Variants in RALB observed in about 807,000 individuals in gnomAD.
RALB encodes the protein ras-related protein Ral-B.
A neutral mutation model predicts 21.3 loss-of-function variants in RALB; 16 were observed. That is an observed-to-expected ratio of 0.75 (90% CI 0.51 to 1.14). RALB has a LOEUF of 1.14. Among genes scored for constraint, RALB ranks in the 50% most tolerant of loss-of-function variants. The probability of loss-of-function intolerance (pLI) is 0.00; values close to 1 mark genes in which losing one functional copy is unlikely to be tolerated. For missense variants in RALB, 161 were observed against 256.2 expected, an observed-to-expected ratio of 0.63 and a Z score of 2.54; for synonymous variants, 93 against 96.1, an observed-to-expected ratio of 0.97 and a Z score of 0.19.
upstream of RALB, among the ~76,000 whole-genome samples, chr2:120,249,116 C>T (rs1245353717): frequency 6.7e-6 from 1 of 150,246 alleles, no homozygotes; most frequent in Non-Finnish European, 1.5e-5. Context: ...CTCACTGCAA[C>T]TTCTGCCTCC....
intron 1 of RALB, chr2:120,253,459 C>T (rs1041292500): frequency 1.1e-4 from 106 of 985,568 alleles, no homozygotes; most frequent in Non-Finnish European, 1.1e-4. Context: ...TTGTTTTGGT[C>T]CTGTCTTGCA....
At chr2:120,254,706 C>A (rs965170641) in intron 1 of RALB, among the ~76,000 whole-genome samples, 2 of 152,142 alleles carry the variant, frequency 1.3e-5, no homozygotes, top group Non-Finnish European at 2.9e-5. Context: ...GGGGCAGAGT[C>A]TTGCGCTATT....
At chr2:120,250,185 G>A (rs1213424543), upstream of RALB, among the ~76,000 whole-genome samples, 1 of 152,194 alleles carries the variant, frequency 6.6e-6, no homozygotes, top group African/African-American at 2.4e-5. Context: ...GCATCCGTCA[G>A]AGCAGGCTAA....
At chr2:120,275,348 A>G (rs1689763993) in intron 1 of RALB, among the ~76,000 whole-genome samples, 2 of 152,324 alleles carry the variant, frequency 1.3e-5, no homozygotes, top group South Asian at 4.1e-4. Context: ...GAACTGCAGG[A>G]ACTGCCGCTC....
intron 1 of RALB, among the ~76,000 whole-genome samples, chr2:120,261,554 C>T (rs141315539): frequency 4.7e-4 from 71 of 152,144 alleles, no homozygotes; most frequent in Middle Eastern, 6.8e-3. Context: ...AATGCCCATT[C>T]GTGGTTTGTG....
At chr2:120,241,923 C>A (rs1206373853) in intron 1 of RALB, among the ~76,000 whole-genome samples, 1 of 152,090 alleles carries the variant, frequency 6.6e-6, no homozygotes, top group Non-Finnish European at 1.5e-5. Flanking sequence ...TGAGTGTATA[C>A]CCGACAGAAT....
intron 1 of RALB, among the ~76,000 whole-genome samples, chr2:120,275,537 T>C (rs1689772067): frequency 1.3e-5 from 2 of 152,094 alleles, no homozygotes; most frequent in Admixed American, 6.5e-5. Flanking sequence ...GGGACCCAGG[T>C]GTAAGGATGT....
chr2:120,252,440 C>T (rs1689074139), upstream of RALB, among the ~76,000 whole-genome samples: 1 of 152,228 alleles, frequency 6.6e-6, no homozygotes, highest in Non-Finnish European at 1.5e-5. Context: ...TCGTAATTTT[C>T]TTCTGTTTCT....
At chr2:120,244,845 C>T (rs538476749) in intron 1 of RALB, among the ~76,000 whole-genome samples, 2 of 152,176 alleles carry the variant, frequency 1.3e-5, no homozygotes, top group African/African-American at 4.8e-5. Flanking sequence ...CAGAGGCAAC[C>T]TTTAGACACC....
intron 4 of RALB, among the ~76,000 whole-genome samples, chr2:120,291,889 GGCTT>G (rs1690312913): frequency 6.6e-6 from 1 of 152,150 alleles, no homozygotes; most frequent in Non-Finnish European, 1.5e-5. Context: ...ACACTCCAGA[GGCTT>G]GATCTTGCTT....
intron 1 of RALB, among the ~76,000 whole-genome samples, chr2:120,270,305 T>C (rs1314352706): frequency 1.3e-5 from 2 of 152,214 alleles, no homozygotes; most frequent in Admixed American, 6.5e-5. Context: ...GGAACGCTTG[T>C]TTGAAAAAAA....
intron 1 of RALB, among the ~76,000 whole-genome samples, chr2:120,242,433 G>A (rs1330555992): frequency 6.6e-6 from 1 of 152,180 alleles, no homozygotes; most frequent in African/African-American, 2.4e-5. Flanking sequence ...AATAATTTTA[G>A]GCCAGGCGCA....
chr2:120,245,066 C>A (rs1453358244), intron 1 of RALB, among the ~76,000 whole-genome samples: 1 of 152,222 alleles, frequency 6.6e-6, no homozygotes, highest in Non-Finnish European at 1.5e-5. Context: ...ACCTTCGAGC[C>A]ACGCTTATCT....
intron 4 of RALB, 60 bp downstream of exon 4, chr2:120,289,817 A>G: frequency 6.8e-7 from 1 of 1,470,002 alleles, no homozygotes; most frequent in Non-Finnish European, 9.1e-7. Flanking sequence ...GAATGGAGGC[A>G]TCTCATCTGC....
At chr2:120,240,625 T>C (rs1004429099) in intron 1 of RALB, among the ~76,000 whole-genome samples, 11 of 152,080 alleles carry the variant, frequency 7.2e-5, no homozygotes, top group Middle Eastern at 3.2e-3. Context: ...CCCAGGTCTG[T>C]GTGGTGCCAA....
chr2:120,277,536 T>TTG (rs376774307), intron 1 of RALB, among the ~76,000 whole-genome samples: 6,603 of 149,248 alleles, frequency 0.044, 494 homozygotes, highest in African/African-American at 0.15. Flanking sequence ...GAGTGTGTAG[T>TTG]TGTGTGTGTG....
chr2:120,245,238 G>C (rs779909983), intron 1 of RALB, among the ~76,000 whole-genome samples: 44 of 152,356 alleles, frequency 2.9e-4, no homozygotes, highest in Non-Finnish European at 5.7e-4. Flanking sequence ...TGGTGGACTG[G>C]GACAGGGAGC....
chr2:120,271,656 T>A (rs915982907), intron 1 of RALB, among the ~76,000 whole-genome samples: 3 of 152,238 alleles, frequency 2.0e-5, no homozygotes, highest in African/African-American at 7.2e-5. Flanking sequence ...ACTGTGATGT[T>A]TCATGCCTTT....
At chr2:120,276,424 G>A (rs1689795008) in intron 1 of RALB, among the ~76,000 whole-genome samples, 1 of 152,090 alleles carries the variant, frequency 6.6e-6, no homozygotes, top group African/African-American at 2.4e-5. Flanking sequence ...CCAACATGGT[G>A]AAACCCCATC....
Sources: gnomAD v4.1 joint callset for allele counts (sites outside exome capture counted in the v4.1 genomes callset) on GRCh38, gnomAD v4.1.1 for gene constraint, MANE v1.5 for transcripts, NCBI Gene and HGNC (gene_info 2026-07-23, HGNC 2026-07-21) for gene names.